Variants in MTSS1 observed in about 807,000 individuals in gnomAD.
MTSS1 encodes the protein MTSS I-BAR domain containing 1, also known as protein MTSS 1.
A neutral mutation model predicts 79.0 loss-of-function variants in MTSS1; 18 were observed. The ratio of observed to expected loss-of-function variants is 0.23; its 90% confidence interval spans 0.16 to 0.34. MTSS1 has a LOEUF of 0.34. Ranked by LOEUF, MTSS1 falls within the 10% of genes least tolerant of loss-of-function variation. The pLI is 1.00. For missense variants in MTSS1, 815 were observed against 986.2 expected, an observed-to-expected ratio of 0.83 and a Z score of 2.33; for synonymous variants, 341 against 368.6, an observed-to-expected ratio of 0.93 and a Z score of 0.86.
intron 3 of MTSS1, among the ~76,000 whole-genome samples, chr8:124,601,165 A>G (rs924465039): frequency 5.4e-5 from 8 of 148,604 alleles, no homozygotes; most frequent in East Asian, 2.0e-4. Flanking sequence ...GGTTCAAGCA[A>G]TTCTCCTGCC....
At chr8:124,658,401 T>C (rs774595706) in intron 3 of MTSS1, among the ~76,000 whole-genome samples, 46 of 152,230 alleles carry the variant, frequency 3.0e-4, no homozygotes, top group Admixed American at 5.2e-4. Context: ...ACCATGATTG[T>C]GAGGCCTCCC....
At chr8:124,633,306 C>G (rs1480924711) in intron 3 of MTSS1, among the ~76,000 whole-genome samples, 1 of 152,154 alleles carries the variant, frequency 6.6e-6, no homozygotes, top group Non-Finnish European at 1.5e-5. Context: ...TCTTTAAGAA[C>G]AGCATTCAGA....
chr8:124,558,723 G>A (rs1433901446), intron 10 of MTSS1: 2 of 1,565,616 alleles, frequency 1.3e-6, no homozygotes, highest in South Asian at 2.3e-5. Flanking sequence ...CTTCTCTGTG[G>A]ACACCCAGGC....
At chr8:124,720,984 G>A (rs1832824826) in intron 1 of MTSS1, among the ~76,000 whole-genome samples, 1 of 152,192 alleles carries the variant, frequency 6.6e-6, no homozygotes, top group African/African-American at 2.4e-5. Context: ...ATTTGAGTCA[G>A]ATTCCTTTAA....
intron 9 of MTSS1, chr8:124,564,943 T>G (rs1478014550): frequency 6.6e-6 from 1 of 152,210 alleles, no homozygotes; most frequent in Non-Finnish European, 1.5e-5. Flanking sequence ...TCATTTGGCT[T>G]TGAAAGTTAA....
chr8:124,564,242 G>A (rs1259696195), intron 9 of MTSS1, among the ~76,000 whole-genome samples: 6 of 151,936 alleles, frequency 3.9e-5, no homozygotes, highest in Admixed American at 2.0e-4. Flanking sequence ...AAAAAGAGCA[G>A]TTGTAGAGGC....
chr8:124,631,873 G>A (rs1420714939), intron 3 of MTSS1, among the ~76,000 whole-genome samples: 3 of 152,130 alleles, frequency 2.0e-5, no homozygotes, highest in Non-Finnish European at 4.4e-5. Context: ...CCACCCACTC[G>A]GCTCTTCCAC....
rs375078515 is a variant in MTSS1 at position 124,552,974 on chromosome 8, G to A, written c.*18C>T. ...TTAATGAAACAGTTCATTCCCCACC[G>A]GCGCATTTCTTGTGAACCTAAGAAA... is the stretch of plus-strand genomic sequence containing the variant. On this transcript the variant is annotated 3_prime_UTR_variant, in exon 14 of 14. Transcript: ENST00000518547. The A allele has an allele frequency of 1.4e-5, 23 of 1,603,410 alleles. No homozygotes were observed. Among genetic ancestry groups the A allele is most frequent in the Admixed American group, 3.4e-5 (2 of 59,604 alleles).
intron 1 of MTSS1, among the ~76,000 whole-genome samples, chr8:124,709,063 A>G (rs1450583417): frequency 6.6e-6 from 1 of 152,162 alleles, no homozygotes; most frequent in African/African-American, 2.4e-5. Context: ...CAGTTTTACT[A>G]TAATAATTCA....
Position 124,551,444 on chromosome 8 carries a change from C to T in MTSS1, c.*1548G>A, listed in dbSNP as rs924741361. The T allele has an allele frequency of 2.0e-5, 3 of 152,696 alleles. No homozygotes were observed. The highest frequency in any genetic ancestry group is 2.1e-4 in the South Asian group (1 of 4,832). The allele number at this position is 152,696 out of a possible 1,614,324, so 9.5% of individuals were successfully genotyped here. ...GTTAATATATAGAACAATGACCATA[C>T]GGTACGTTACTCTCACATCCAATGC... On this transcript the variant is annotated 3_prime_UTR_variant, in exon 14 of 14. Transcript: ENST00000518547.
intron 10 of MTSS1, among the ~76,000 whole-genome samples, chr8:124,558,419 G>A (rs1475676189): frequency 2.0e-5 from 3 of 152,152 alleles, no homozygotes; most frequent in Non-Finnish European, 4.4e-5. Context: ...CTCGGGAAGG[G>A]AGGGAGGAGG....
intron 3 of MTSS1, among the ~76,000 whole-genome samples, chr8:124,690,571 A>G (rs1172579801): frequency 6.6e-6 from 1 of 152,262 alleles, no homozygotes; most frequent in Non-Finnish European, 1.5e-5. Flanking sequence ...AGGCAGGAGC[A>G]CTGGTTGACC....
At chr8:124,629,536 A>C (rs118123056) in intron 3 of MTSS1, among the ~76,000 whole-genome samples, 8,271 of 150,656 alleles carry the variant, frequency 0.055, 363 homozygotes, top group East Asian at 0.16. Context: ...AGAAAAGAAA[A>C]AGAAAAAAGA....
At chr8:124,641,315 A>G (rs1466888107) in intron 3 of MTSS1, among the ~76,000 whole-genome samples, 1 of 152,360 alleles carries the variant, frequency 6.6e-6, no homozygotes, top group Middle Eastern at 3.4e-3. Context: ...AACAGTGAAC[A>G]TTCCTATCAG....
intron 3 of MTSS1, among the ~76,000 whole-genome samples, chr8:124,678,368 G>A (rs1299483335): frequency 6.6e-6 from 1 of 152,036 alleles, no homozygotes; most frequent in African/African-American, 2.4e-5. Context: ...TTGAGTGCAG[G>A]GTCTGTGTAT....
chr8:124,557,447 C>G (rs972679961), intron 11 of MTSS1, among the ~76,000 whole-genome samples: 3 of 152,208 alleles, frequency 2.0e-5, no homozygotes, highest in Non-Finnish European at 2.9e-5. Context: ...TGACCAAAGT[C>G]CCCTGAAGGA....
rs1451896853 is a variant in MTSS1, at chr8:124,556,290, G to T, written c.1346C>A (p.Pro449His). 3 of 1,614,106 alleles carry T rather than the reference G, an allele frequency of 1.9e-6. No individual in the cohort carries two copies. The highest frequency in any genetic ancestry group is 2.5e-6 in the Non-Finnish European group (3 of 1,180,042). ...TCTCTGAGCCTCCTCAGCTGCTGCA[G>T]GTGGGCCGCTGGCGGTAGTGGGTCC... The part of the protein sequence containing the change: ...GGGPTTASGP[P>H]AAAEEAQRPR... Residue 449 changes from proline to histidine, a missense_variant, in exon 12 of 14, where the codon CCT becomes CAT. Physicochemically the swap from Pro to His is moderately conservative, Grantham distance 77 (BLOSUM62 -2). This residue lies in a region of MTSS1 where 590 missense variants were observed against 620.8 expected (regional missense o/e 0.95). Coordinates refer to ENST00000518547, the MANE Select transcript of MTSS1 (RefSeq NM_014751.6).
chr8:124,704,107 G>A (rs749724603), intron 2 of MTSS1, 23 bp downstream of exon 2: 1 of 1,611,164 alleles, frequency 6.2e-7, no homozygotes, highest in East Asian at 2.2e-5. Flanking sequence ...TCCTTTTCCT[G>A]TAGAACATGT....
At chr8:124,605,357 A>G (rs1834611470) in intron 3 of MTSS1, among the ~76,000 whole-genome samples, 1 of 152,214 alleles carries the variant, frequency 6.6e-6, no homozygotes, top group Admixed American at 6.5e-5. Context: ...AGATGCTCAC[A>G]GTATCTGGAT....
Sources: allele counts gnomAD v4.1 joint callset (sites outside exome capture counted in the v4.1 genomes callset), GRCh38; gene constraint gnomAD v4.1.1; regional missense constraint gnomAD v4.1.1; transcripts MANE v1.5; gene names NCBI Gene and HGNC (gene_info 2026-07-23, HGNC 2026-07-21).